TEX11: variants seen among roughly 807,000 people sequenced by gnomAD.
TEX11 encodes the protein testis-expressed protein 11.
A neutral mutation model predicts 84.4 loss-of-function variants in TEX11; 7 were observed. The observed-to-expected ratio is 0.08, with a 90% CI of 0.05 to 0.16. The LOEUF (loss-of-function observed/expected upper bound fraction) is 0.16. TEX11 is among the 10% of genes least tolerant of loss of function. TEX11 has a pLI of 1.00. For missense variants in TEX11, 551 were observed against 660.5 expected, an observed-to-expected ratio of 0.83 and a Z score of 1.82; for synonymous variants, 264 against 222.8, an observed-to-expected ratio of 1.18 and a Z score of -1.64.
intron 20 of TEX11, among the ~76,000 whole-genome samples, chrX:70,622,560 A>G (rs2089407669): frequency 8.9e-6 from 1 of 111,911 alleles, no homozygotes; most frequent in Admixed American, 9.5e-5. Context: ...TGTGTCAGAT[A>G]CTGCCCTAGG....
intron 17 of TEX11, among the ~76,000 whole-genome samples, chrX:70,639,642 C>T (rs758226943): frequency 9.0e-6 from 1 of 111,435 alleles, no homozygotes; most frequent in Non-Finnish European, 1.9e-5. Context: ...CTGGGAGGCA[C>T]CCTCCAGCAG....
intron 25 of TEX11, among the ~76,000 whole-genome samples, chrX:70,561,388 C>CTTT (rs34112390): frequency 2.3e-4 from 18 of 78,923 alleles, no homozygotes; most frequent in Non-Finnish European, 3.0e-4. Flanking sequence ...TATCAATTTA[C>CTTT]TTTTTTTTTT....
At chrX:70,657,625 CG>C (rs1421667961) in intron 16 of TEX11, among the ~76,000 whole-genome samples, 2 of 109,327 alleles carry the variant, frequency 1.8e-5, no homozygotes, top group Non-Finnish European at 3.8e-5. Context: ...CACATGCACA[CG>C]TATGTTTATT....
At position 70,899,845 on chromosome X, in the gene TEX11, T is replaced by TAAA. The variant is rs746225121; in HGVS notation, c.37+7905_37+7907dup. On this transcript the variant is annotated intron_variant, in intron 2 of 29. Coordinates refer to ENST00000374333, the MANE Select transcript of TEX11 (RefSeq NM_031276.3). Reference sequence around the variant, plus strand: ...TGGGTGACAAAGAGAGGTCCTGTATTAAAAAAAAAAAAAAAAAAAAAAAAA... The same window carrying TAAA: ...TGGGTGACAAAGAGAGGTCCTGTATTAAAAAAAAAAAAAAAAAAAAAAAAAAAA... Among the ~76,000 whole-genome samples the TAAA allele has an allele frequency of 1.5e-3, 45 of 30,612 alleles. 4 individuals carry two copies. Among genetic ancestry groups the TAAA allele is most frequent in the South Asian group, 7.1e-3 (2 of 281 alleles). 26.6% of individuals were successfully genotyped at this position (30,612 alleles called of 115,157 possible).
chrX:70,731,296 C>G (rs1287723180), intron 11 of TEX11, among the ~76,000 whole-genome samples: 1 of 111,313 alleles, frequency 9.0e-6, no homozygotes, highest in Non-Finnish European at 1.9e-5. Context: ...CAAGAAATAA[C>G]TAAGATCAGA....
At chrX:70,658,557 A>C (rs1445947774) in intron 16 of TEX11, among the ~76,000 whole-genome samples, 1 of 112,186 alleles carries the variant, frequency 8.9e-6, no homozygotes, top group Admixed American at 9.4e-5. Context: ...GTCAAAAGTA[A>C]ATAAATACAG....
intron 9 of TEX11, among the ~76,000 whole-genome samples, chrX:70,763,393 T>C (rs772925576): frequency 9.0e-6 from 1 of 110,766 alleles, no homozygotes; most frequent in Admixed American, 9.7e-5. Flanking sequence ...AGTTAAACTA[T>C]GAGGATGCAA....
At chrX:70,846,989 G>A (rs1198822244) in intron 7 of TEX11, among the ~76,000 whole-genome samples, 1 of 111,740 alleles carries the variant, frequency 8.9e-6, no homozygotes, top group African/African-American at 3.2e-5. Context: ...AGTGGGAGGT[G>A]TTTAGGACAT....
intron 17 of TEX11, among the ~76,000 whole-genome samples, chrX:70,642,233 T>A (rs1041399069): frequency 8.9e-6 from 1 of 111,772 alleles, no homozygotes; most frequent in African/African-American, 3.3e-5. Flanking sequence ...AAGTTGAATC[T>A]CTGAATAGAT....
At chrX:70,826,908 C>A (rs571370102) in intron 8 of TEX11, among the ~76,000 whole-genome samples, 2 of 111,249 alleles carry the variant, frequency 1.8e-5, no homozygotes, top group Non-Finnish European at 3.8e-5. Flanking sequence ...GAACTTGCCA[C>A]GTGACCTAGG....
At chrX:70,553,567 G>A (rs909122001) in intron 26 of TEX11, among the ~76,000 whole-genome samples, 153 bp from the exon 27 acceptor site, 11 of 112,074 alleles carry the variant, frequency 9.8e-5, no homozygotes, top group Non-Finnish European at 1.9e-4. Flanking sequence ...TAAATCTACA[G>A]TCGCTTTTGG....
intron 25 of TEX11, among the ~76,000 whole-genome samples, chrX:70,579,519 CA>C (rs763815527): frequency 0.043 from 391 of 9,039 alleles, 3 homozygotes; most frequent in African/African-American, 0.11. Context: ...ACAAAAAAAA[CA>C]AAAAAAAAAA....
chrX:70,529,234 G>T (rs746971070), intron 29 of TEX11, 47 bp from the exon 30 acceptor site: 1 of 1,043,692 alleles, frequency 9.6e-7, no homozygotes, highest in South Asian at 2.0e-5. Flanking sequence ...AAAAAGAAAT[G>T]TGGGAAAGCT....
chrX:70,877,487 A>G (rs1022057604), intron 3 of TEX11, among the ~76,000 whole-genome samples: 2 of 111,614 alleles, frequency 1.8e-5, no homozygotes, highest in African/African-American at 6.5e-5. Flanking sequence ...TCAAAAAATT[A>G]AAAACAGAAT....
At chrX:70,765,184 G>A (rs368696386) in intron 9 of TEX11, among the ~76,000 whole-genome samples, 32 of 111,498 alleles carry the variant, frequency 2.9e-4, no homozygotes, top group African/African-American at 9.8e-4. Flanking sequence ...CCAGGAGTTC[G>A]AGACTAGCCT....
At chrX:70,880,197 T>C (rs2091675631) in intron 2 of TEX11, 88 bp from the exon 3 acceptor site, 4 of 695,271 alleles carry the variant, frequency 5.8e-6, no homozygotes, top group Non-Finnish European at 8.1e-6. Context: ...GTCTAAATCA[T>C]TGGCCAAATG....
intron 2 of TEX11, among the ~76,000 whole-genome samples, chrX:70,894,238 C>T (rs1424056412): frequency 9.0e-6 from 1 of 111,257 alleles, no homozygotes; most frequent in Non-Finnish European, 1.9e-5. Context: ...CCAGCATCAT[C>T]CTGATACCAA....
At chrX:70,638,682 T>A (rs1476702592) in intron 17 of TEX11, among the ~76,000 whole-genome samples, 1 of 106,709 alleles carries the variant, frequency 9.4e-6, no homozygotes, top group African/African-American at 3.4e-5. Flanking sequence ...GTGCCTGTAG[T>A]CCCAGCTACT....
intron 13 of TEX11, among the ~76,000 whole-genome samples, chrX:70,703,625 G>T (rs942719612): frequency 9.0e-6 from 1 of 111,333 alleles, no homozygotes; most frequent in Non-Finnish European, 1.9e-5. Flanking sequence ...TTTCCCATTT[G>T]TCCCTCTACC....
Sources: gnomAD v4.1 joint callset for allele counts (sites outside exome capture counted in the v4.1 genomes callset) on GRCh38, gnomAD v4.1.1 for gene constraint, MANE v1.5 for transcripts, NCBI Gene and HGNC (gene_info 2026-07-23, HGNC 2026-07-21) for gene names.